The following ANK2 variants were observed in gnomAD, a reference collection of about 807,000 sequenced individuals.
ANK2 encodes the protein ankyrin-2.
Under a neutral mutation model 360.5 loss-of-function variants are expected in ANK2, and 83 were observed. That is an observed-to-expected ratio of 0.23 (90% CI 0.19 to 0.28). The LOEUF (loss-of-function observed/expected upper bound fraction) is 0.28, where lower values mean the gene tolerates loss of function less well. Among genes scored for constraint, ANK2 ranks in the 10% least tolerant of loss-of-function variants. The probability of loss-of-function intolerance (pLI) is 1.00; values close to 1 mark genes in which losing one functional copy is unlikely to be tolerated. For synonymous variants in ANK2, 1,740 were observed against 1,759.5 expected, an observed-to-expected ratio of 0.99 and a Z score of 0.28; for missense variants, 4,201 against 4,795.7, an observed-to-expected ratio of 0.88 and a Z score of 3.66.
At chr4:113,287,503 C>T in intron 18 of ANK2, 102 bp from the exon 19 acceptor site, 1 of 956,434 alleles carries the variant, frequency 1.0e-6, no homozygotes, top group Non-Finnish European at 1.6e-6. Flanking sequence ...TATGAGTTTT[C>T]CAGGATATTT....
At chr4:112,873,151 G>T (rs1033764407) in intron 1 of ANK2, among the ~76,000 whole-genome samples, 1 of 151,412 alleles carries the variant, frequency 6.6e-6, no homozygotes, top group African/African-American at 2.4e-5. Flanking sequence ...TTAATTTGTT[G>T]ACTTTTTCAA....
intron 2 of ANK2, among the ~76,000 whole-genome samples, chr4:112,914,031 G>A (rs1259098776): frequency 6.6e-6 from 1 of 151,666 alleles, no homozygotes; most frequent in East Asian, 1.9e-4. Flanking sequence ...GTTTTTTTGG[G>A]GTTTCTTTTC....
intron 4 of ANK2, among the ~76,000 whole-genome samples, chr4:113,225,020 C>T (rs2099199235): frequency 6.6e-6 from 1 of 151,974 alleles, no homozygotes; most frequent in South Asian, 2.1e-4. Flanking sequence ...ACAAAATTCC[C>T]CAAGTGAAAT....
At chr4:113,067,572 G>A (rs1220964148) in intron 1 of ANK2, among the ~76,000 whole-genome samples, 1 of 152,206 alleles carries the variant, frequency 6.6e-6, no homozygotes, top group Admixed American at 6.5e-5. Context: ...GCATGGTGAG[G>A]TTGAAATCAC....
intron 2 of ANK2, among the ~76,000 whole-genome samples, chr4:113,035,473 G>A (rs1040234621): frequency 6.6e-6 from 1 of 151,864 alleles, no homozygotes; most frequent in African/African-American, 2.4e-5. Context: ...AGGATTTGAT[G>A]TTCCTCTTAG....
Position 113,113,074 on chromosome 4 carries a change from C to T in ANK2, c.85-61342C>T, listed in dbSNP as rs548188852. Among the ~76,000 whole-genome samples, 35 of 152,260 alleles carry T rather than the reference C, an allele frequency of 2.3e-4. 1 individual carries two copies. In the South Asian group the frequency reaches 5.2e-3, roughly 23 times the overall value. On this transcript the variant is annotated intron_variant, in intron 1 of 45. Transcript: ENST00000357077. ...TTTGCTTTTCCTTACCTCGATCACT[C>T]ATTAGTCCCAAAAAACAGAGGAAGC...
intron 2 of ANK2, among the ~76,000 whole-genome samples, chr4:112,906,617 T>C (rs535668702): frequency 3.9e-4 from 59 of 152,254 alleles, no homozygotes; most frequent in African/African-American, 1.3e-3. Context: ...TCAACACAGC[T>C]AAGGCAATCT....
At chr4:113,310,734 T>C (rs2079515822) in intron 23 of ANK2, among the ~76,000 whole-genome samples, 1 of 152,200 alleles carries the variant, frequency 6.6e-6, no homozygotes, top group African/African-American at 2.4e-5. Context: ...AGTTTTTAAA[T>C]AATCTTTTTG....
At chr4:112,748,277 T>A in the ANK2 span, among the ~76,000 whole-genome samples, 1 of 152,310 alleles carries the variant, frequency 6.6e-6, no homozygotes, top group Non-Finnish European at 1.5e-5. Flanking sequence ...TTAAAGTGGT[T>A]ATTGTGGGTT....
intron 23 of ANK2, among the ~76,000 whole-genome samples, chr4:113,304,554 A>G (rs2076368617): frequency 6.6e-6 from 1 of 152,186 alleles, no homozygotes; most frequent in Non-Finnish European, 1.5e-5. Flanking sequence ...AACATTATAT[A>G]AATATTTTTC....
At chr4:112,713,702 C>T in the ANK2 span, among the ~76,000 whole-genome samples, 50 of 151,968 alleles carry the variant, frequency 3.3e-4, no homozygotes, top group Admixed American at 2.0e-4. Context: ...TGGCCCGAGG[C>T]GGGCGGATCA....
intron 1 of ANK2, among the ~76,000 whole-genome samples, chr4:113,072,742 A>ATTTTTTTTTTTTTTTTTTTTTTT (rs34098456): frequency 1.3e-5 from 1 of 74,218 alleles, no homozygotes; most frequent in African/African-American, 4.5e-5. Context: ...ACTTGGCATA[A>ATTTTTTTTTTTTTTTTTTTTTTT]TTTTTTTTTT....
chr4:112,838,862 T>C (rs2061533016), intron 1 of ANK2, among the ~76,000 whole-genome samples: 1 of 152,186 alleles, frequency 6.6e-6, no homozygotes, highest in Non-Finnish European at 1.5e-5. Flanking sequence ...TGCTAAATTA[T>C]CTTTTCTAGT....
At chr4:113,131,820 G>T (rs2096057593) in intron 1 of ANK2, among the ~76,000 whole-genome samples, 1 of 152,206 alleles carries the variant, frequency 6.6e-6, no homozygotes, top group South Asian at 2.1e-4. Flanking sequence ...ATATCCTAAA[G>T]AAGCAGTTTT....
the ANK2 span, among the ~76,000 whole-genome samples, chr4:112,735,336 TAAATAAAATA>T: frequency 3.3e-5 from 5 of 151,032 alleles, no homozygotes; most frequent in East Asian, 3.9e-4. Flanking sequence ...GTTTCAAAAA[TAAATAAAATA>T]AAATAAAATA....
chr4:113,165,087 T>C (rs1426302218), intron 1 of ANK2, among the ~76,000 whole-genome samples: 1 of 152,196 alleles, frequency 6.6e-6, no homozygotes, highest in Non-Finnish European at 1.5e-5. Flanking sequence ...AAAAACTCTG[T>C]CAGCTTTTCC....
chr4:112,770,001 T>A, the ANK2 span, among the ~76,000 whole-genome samples: 1 of 152,178 alleles, frequency 6.6e-6, no homozygotes, highest in Non-Finnish European at 1.5e-5. Flanking sequence ...TCAGCCTTCA[T>A]AATCACACGA....
intron 13 of ANK2, among the ~76,000 whole-genome samples, chr4:113,262,691 A>G (rs1290708311): frequency 6.6e-6 from 1 of 152,168 alleles, no homozygotes; most frequent in East Asian, 1.9e-4. Context: ...AAAGTACAGT[A>G]TAACAACTAT....
At position 113,140,328 on chromosome 4, in the gene ANK2, C is replaced by T. The variant is rs548129988; in HGVS notation, c.85-34088C>T. ...AACGCATTTGAGTGAAACAATCGGT[C>T]TTGAATTATAGCTGCCATGATCAAA... On this transcript the variant is annotated intron_variant, in intron 1 of 45. Coordinates refer to ENST00000357077, the MANE Select transcript of ANK2 (RefSeq NM_001148.6). Among the ~76,000 whole-genome samples, 5 of 152,250 alleles carry T rather than the reference C, an allele frequency of 3.3e-5. No homozygotes were observed. In the South Asian group the frequency reaches 1.0e-3, roughly 32 times the overall value.
Sources: allele counts gnomAD v4.1 joint callset (sites outside exome capture counted in the v4.1 genomes callset), GRCh38; gene constraint gnomAD v4.1.1; transcripts MANE v1.5; gene names NCBI Gene and HGNC (gene_info 2026-07-23, HGNC 2026-07-21).